The following PPP2R2B variants were observed in gnomAD, a reference collection of about 807,000 sequenced individuals.
PPP2R2B encodes the protein serine/threonine-protein phosphatase 2A 55 kDa regulatory subunit B beta isoform.
PPP2R2B carries 5 observed loss-of-function variants against 46.0 expected under a neutral mutation model. The observed-to-expected ratio is 0.11, with a 90% CI of 0.06 to 0.23. The LOEUF (loss-of-function observed/expected upper bound fraction) is 0.23, where lower values mean the gene tolerates loss of function less well. Among genes scored for constraint, PPP2R2B ranks in the 10% least tolerant of loss-of-function variants. PPP2R2B has a pLI of 1.00. For synonymous variants in PPP2R2B, 215 were observed against 206.7 expected (o/e 1.04, Z -0.34); for missense variants, 367 against 575.0 (o/e 0.64, Z 3.70).
intron 1 of PPP2R2B, among the ~76,000 whole-genome samples, chr5:146,925,761 TC>T (rs915218244): frequency 4.6e-5 from 7 of 152,138 alleles, no homozygotes; most frequent in African/African-American, 1.7e-4. Context: ...CTTCCGACAT[TC>T]CCCTGACATG....
At chr5:146,747,929 T>C (rs908049940) in intron 2 of PPP2R2B, among the ~76,000 whole-genome samples, 10 of 152,230 alleles carry the variant, frequency 6.6e-5, no homozygotes, top group Admixed American at 2.0e-4. Context: ...ACTGAGGTAC[T>C]TGGGGAACCT....
intron 2 of PPP2R2B, among the ~76,000 whole-genome samples, chr5:146,737,424 G>A (rs1171349256): frequency 6.6e-6 from 1 of 152,124 alleles, no homozygotes; most frequent in Non-Finnish European, 1.5e-5. Flanking sequence ...CTCCAAGACT[G>A]TAGAGAGTAT....
chr5:146,772,383 C>CATATATAT (rs33981708), intron 2 of PPP2R2B, among the ~76,000 whole-genome samples: 21 of 133,576 alleles, frequency 1.6e-4, no homozygotes, highest in Non-Finnish European at 2.2e-4. Flanking sequence ...ATAACTTGTG[C>CATATATAT]ATATATATAT....
At chr5:146,642,248 T>C (rs1398634138) in intron 6 of PPP2R2B, among the ~76,000 whole-genome samples, 5 of 152,046 alleles carry the variant, frequency 3.3e-5, no homozygotes, top group Admixed American at 3.3e-4. Flanking sequence ...AAAATAATAA[T>C]TGAAGACACC....
At chr5:146,997,787 A>G (rs1182438590) in intron 1 of PPP2R2B, among the ~76,000 whole-genome samples, 2 of 152,212 alleles carry the variant, frequency 1.3e-5, no homozygotes, top group African/African-American at 4.8e-5. Flanking sequence ...CAACATCTCT[A>G]TAGACAAAGG....
At chr5:147,059,296 T>C (rs1195211569), upstream of PPP2R2B, among the ~76,000 whole-genome samples, 4 of 152,318 alleles carry the variant, frequency 2.6e-5, no homozygotes, top group East Asian at 3.9e-4. Flanking sequence ...TACAGATCCA[T>C]GCTTTTGCAT....
At chr5:146,677,990 A>G (rs1443628282) in intron 5 of PPP2R2B, among the ~76,000 whole-genome samples, 1 of 152,186 alleles carries the variant, frequency 6.6e-6, no homozygotes, top group African/African-American at 2.4e-5. Flanking sequence ...ATTTGTGAAC[A>G]GTGATTTGTT....
At chr5:146,688,951 A>G (rs551806575) in intron 5 of PPP2R2B, among the ~76,000 whole-genome samples, 1 of 152,312 alleles carries the variant, frequency 6.6e-6, no homozygotes, top group East Asian at 1.9e-4. Context: ...GGCAAAAGAC[A>G]GTCTTATTCC....
chr5:146,799,766 AC>A (rs554589440), intron 2 of PPP2R2B, among the ~76,000 whole-genome samples: 214 of 152,370 alleles, frequency 1.4e-3, no homozygotes, highest in Non-Finnish European at 1.9e-3. Flanking sequence ...TGTTTATAAA[AC>A]TGCAAACGAA....
intron 2 of PPP2R2B, among the ~76,000 whole-genome samples, chr5:146,762,982 GC>G (rs933654835): frequency 5.3e-5 from 8 of 152,172 alleles, no homozygotes; most frequent in Non-Finnish European, 8.8e-5. Flanking sequence ...TGGCTAATGT[GC>G]CCCGCACATC....
At chr5:147,017,206 C>CATA (rs1373837938) in intron 1 of PPP2R2B, among the ~76,000 whole-genome samples, 3 of 151,628 alleles carry the variant, frequency 2.0e-5, no homozygotes, top group Admixed American at 6.6e-5. Context: ...GCAATAGAAT[C>CATA]AGCAGGATTT....
At chr5:146,931,895 T>C (rs570709933) in intron 1 of PPP2R2B, among the ~76,000 whole-genome samples, 23 of 152,292 alleles carry the variant, frequency 1.5e-4, no homozygotes, top group African/African-American at 5.3e-4. Context: ...AAGAGAATTG[T>C]GTGTGAGTGC....
intron 5 of PPP2R2B, among the ~76,000 whole-genome samples, chr5:146,678,246 A>G (rs1323087043): frequency 1.3e-5 from 2 of 151,996 alleles, no homozygotes; most frequent in Non-Finnish European, 2.9e-5. Context: ...ATATACGCAA[A>G]TCAATAAATG....
intron 4 of PPP2R2B, among the ~76,000 whole-genome samples, chr5:146,695,842 A>C (rs1012258911): frequency 3.9e-5 from 6 of 152,084 alleles, no homozygotes; most frequent in Non-Finnish European, 7.4e-5. Flanking sequence ...ATGTTAACCT[A>C]TTTGGCCTAA....
In PPP2R2B at chr5:146,718,004, T is replaced by G. The variant is rs112296827; in HGVS notation, c.71-16862A>C. ...TCCTTTTTCTTTAATGCATCTACCA[T>G]AATTCATCATTATGTATATTATGTA... On this transcript the variant is annotated intron_variant, in intron 2 of 9. Transcript: ENST00000394411. 2.9e-3 allele frequency among the ~76,000 whole-genome samples: 435 copies of G among 152,304 alleles called. 2 individuals carry two copies. The highest frequency in any genetic ancestry group is 9.8e-3 in the African/African-American group (409 of 41,562).
At chr5:146,867,620 C>T (rs982140748) in intron 2 of PPP2R2B, among the ~76,000 whole-genome samples, 1 of 152,128 alleles carries the variant, frequency 6.6e-6, no homozygotes, top group African/African-American at 2.4e-5. Flanking sequence ...ACTAGCATAG[C>T]CAGAGGTGTG....
At chr5:146,916,713 T>C (rs893226116) in intron 1 of PPP2R2B, among the ~76,000 whole-genome samples, 7 of 152,182 alleles carry the variant, frequency 4.6e-5, no homozygotes, top group Non-Finnish European at 1.0e-4. Flanking sequence ...ATGTTTAATC[T>C]GTAGACTATG....
chr5:147,070,879 C>T (rs1757570767), intron 2 of PPP2R2B, among the ~76,000 whole-genome samples: 1 of 152,092 alleles, frequency 6.6e-6, no homozygotes, highest in Non-Finnish European at 1.5e-5. Flanking sequence ...ATCCCATTCT[C>T]CTTGCCAATG....
intron 2 of PPP2R2B, among the ~76,000 whole-genome samples, chr5:146,769,000 C>T (rs1158319214): frequency 1.3e-5 from 2 of 151,978 alleles, no homozygotes; most frequent in Non-Finnish European, 2.9e-5. Context: ...GCCTCAGCCT[C>T]CCAAGTAGGT....
Sources: gnomAD v4.1 joint callset for allele counts (sites outside exome capture counted in the v4.1 genomes callset) on GRCh38, gnomAD v4.1.1 for gene constraint, MANE v1.5 for transcripts, NCBI Gene and HGNC (gene_info 2026-07-23, HGNC 2026-07-21) for gene names.